Variants in PMFBP1 observed in about 807,000 individuals in gnomAD.
PMFBP1 encodes polyamine modulated factor 1 binding protein 1, also known as polyamine-modulated factor 1-binding protein 1.
In PMFBP1, 131 loss-of-function variants were observed where a neutral mutation model predicts 137.8. The ratio of observed to expected loss-of-function variants is 0.95; its 90% CI spans 0.82 to 1.10. The LOEUF is 1.10. Among genes scored for constraint, PMFBP1 ranks in the 50% least tolerant of loss-of-function variants. The pLI is 0.00. For missense variants in PMFBP1, 1,199 were observed against 1,175.4 expected, an observed-to-expected ratio of 1.02 and a Z score of -0.29; for synonymous variants, 490 against 450.4, an observed-to-expected ratio of 1.09 and a Z score of -1.11.
chr16:72,244,494 C>T, the PMFBP1 span, among the ~76,000 whole-genome samples: 2 of 152,218 alleles, frequency 1.3e-5, 1 homozygote, highest in South Asian at 4.1e-4. Context: ...CCTCTCCCTG[C>T]TTTCTCAGGT....
chr16:72,242,992 C>A, the PMFBP1 span, among the ~76,000 whole-genome samples: 1 of 152,186 alleles, frequency 6.6e-6, no homozygotes, highest in Non-Finnish European at 1.5e-5. Flanking sequence ...GACTGCAAGC[C>A]TGGTGAGCTT....
At chr16:72,130,479 G>T in intron 11 of PMFBP1, 54 bp downstream of exon 11, 2 of 1,608,876 alleles carry the variant, frequency 1.2e-6, no homozygotes, top group Admixed American at 3.3e-5. Flanking sequence ...AGAGGGCCCG[G>T]CTGGGTCAAG....
chr16:72,201,058 G>C, the PMFBP1 span, among the ~76,000 whole-genome samples: 1 of 152,118 alleles, frequency 6.6e-6, no homozygotes, highest in Non-Finnish European at 1.5e-5. Context: ...ATAACTCCTT[G>C]TTCCCACACC....
At chr16:72,199,765 G>C in the PMFBP1 span, among the ~76,000 whole-genome samples, 1 of 151,810 alleles carries the variant, frequency 6.6e-6, no homozygotes, top group African/African-American at 2.4e-5. Flanking sequence ...TCTAGTGATA[G>C]AGGGGGGAAT....
At chr16:72,196,057 G>C in the PMFBP1 span, among the ~76,000 whole-genome samples, 2 of 152,068 alleles carry the variant, frequency 1.3e-5, no homozygotes, top group African/African-American at 4.8e-5. Context: ...CAGACAGAGA[G>C]AGAGAAGGAG....
the PMFBP1 span, among the ~76,000 whole-genome samples, chr16:72,248,986 T>C: frequency 6.6e-6 from 1 of 152,158 alleles, no homozygotes; most frequent in East Asian, 1.9e-4. Context: ...CTCAAGGTAG[T>C]ATCTTGCTAA....
the PMFBP1 span, among the ~76,000 whole-genome samples, chr16:72,219,864 A>C: frequency 6.6e-6 from 1 of 152,342 alleles, no homozygotes; most frequent in Admixed American, 6.5e-5. Flanking sequence ...TCTGCTATGC[A>C]CCAGAAGAAT....
upstream of PMFBP1, chr16:72,174,095 C>G (rs1216495848): frequency 6.6e-6 from 1 of 152,192 alleles, no homozygotes; most frequent in African/African-American, 2.4e-5. Context: ...GTAGTGAAAA[C>G]AAAAACTTGG....
intron 9 of PMFBP1, among the ~76,000 whole-genome samples, chr16:72,134,902 T>C (rs2042600701): frequency 6.6e-6 from 1 of 152,202 alleles, no homozygotes; most frequent in African/African-American, 2.4e-5. Context: ...TAATTTTGTT[T>C]ACCGGCTGTC....
the PMFBP1 span, among the ~76,000 whole-genome samples, chr16:72,247,703 T>C: frequency 1.3e-5 from 2 of 152,152 alleles, no homozygotes; most frequent in African/African-American, 2.4e-5. Flanking sequence ...TTCATATGGG[T>C]TTTTGCTCAT....
intron 19 of PMFBP1, among the ~76,000 whole-genome samples, chr16:72,120,488 C>T (rs956887544): frequency 3.3e-5 from 5 of 152,190 alleles, no homozygotes; most frequent in Admixed American, 1.3e-4. Flanking sequence ...TTCTCATGGC[C>T]GTGCCTTGGA....
chr16:72,199,883 T>A, the PMFBP1 span, among the ~76,000 whole-genome samples: 2 of 152,006 alleles, frequency 1.3e-5, no homozygotes, highest in Admixed American at 6.5e-5. Context: ...CAGCGTGGAA[T>A]TAGGATGGGG....
the PMFBP1 span, among the ~76,000 whole-genome samples, chr16:72,238,110 G>C: frequency 6.6e-6 from 1 of 152,220 alleles, no homozygotes; most frequent in Admixed American, 6.5e-5. Flanking sequence ...ATGAACATAT[G>C]TGTGCATGTG....
chr16:72,177,522 T>C (rs1011583114), upstream of PMFBP1, among the ~76,000 whole-genome samples: 11 of 152,206 alleles, frequency 7.2e-5, no homozygotes, highest in African/African-American at 1.7e-4. Context: ...ACAGACCTTT[T>C]TGAAATAATT....
At chr16:72,188,416 C>A in the PMFBP1 span, among the ~76,000 whole-genome samples, 1 of 152,222 alleles carries the variant, frequency 6.6e-6, no homozygotes, top group African/African-American at 2.4e-5. Flanking sequence ...TCTCCCTAAG[C>A]ACCTATTGCC....
At chr16:72,207,331 G>C in the PMFBP1 span, among the ~76,000 whole-genome samples, 1 of 152,150 alleles carries the variant, frequency 6.6e-6, no homozygotes, top group South Asian at 2.1e-4. Context: ...ATTGGATCCT[G>C]GGGTGGGAGA....
the PMFBP1 span, among the ~76,000 whole-genome samples, chr16:72,182,269 C>G: frequency 6.6e-6 from 1 of 152,122 alleles, no homozygotes; most frequent in Non-Finnish European, 1.5e-5. Context: ...CCAATGTGGG[C>G]AAATGGCTTT....
At chr16:72,219,628 T>C in the PMFBP1 span, among the ~76,000 whole-genome samples, 13 of 152,038 alleles carry the variant, frequency 8.6e-5, no homozygotes, top group African/African-American at 2.9e-4. Flanking sequence ...CTGAGCCGGA[T>C]AGGTCATTGG....
the PMFBP1 span, among the ~76,000 whole-genome samples, chr16:72,200,890 C>T: frequency 6.6e-6 from 1 of 152,198 alleles, no homozygotes; most frequent in Non-Finnish European, 1.5e-5. Flanking sequence ...TGGTCCAGTG[C>T]TGCCAGGGGA....
Sources: allele counts gnomAD v4.1 joint callset (sites outside exome capture counted in the v4.1 genomes callset), GRCh38; gene constraint gnomAD v4.1.1; transcripts MANE v1.5; gene names NCBI Gene and HGNC (gene_info 2026-07-23, HGNC 2026-07-21).